TMEM132B: variants seen among roughly 807,000 people sequenced by gnomAD.
TMEM132B encodes transmembrane protein 132B.
Under a neutral mutation model 90.8 loss-of-function variants are expected in TMEM132B, and 18 were observed. That is an observed-to-expected ratio of 0.20 (90% CI 0.14 to 0.29). TMEM132B has a LOEUF of 0.29. Ranked by LOEUF, TMEM132B falls within the 10% of genes least tolerant of loss-of-function variation. The pLI is 1.00. For synonymous variants in TMEM132B, 504 were observed against 523.3 expected (o/e 0.96, Z 0.50); for missense variants, 1,096 against 1,326.8 (o/e 0.83, Z 2.70).
intron 3 of TMEM132B, among the ~76,000 whole-genome samples, chr12:125,450,573 G>A (rs1186894275): frequency 1.3e-5 from 2 of 151,998 alleles, no homozygotes; most frequent in African/African-American, 4.8e-5. Context: ...AAATATGGAG[G>A]GAATGCTGGC....
intron 1 of TMEM132B, among the ~76,000 whole-genome samples, chr12:125,345,541 G>T (rs1425644544): frequency 6.6e-6 from 1 of 152,130 alleles, no homozygotes; most frequent in Non-Finnish European, 1.5e-5. Context: ...CTTCATTCTA[G>T]GAGTAATATT....
At chr12:125,388,122 T>C (rs771891346) in intron 2 of TMEM132B, among the ~76,000 whole-genome samples, 4 of 152,126 alleles carry the variant, frequency 2.6e-5, no homozygotes, top group Admixed American at 1.3e-4. Flanking sequence ...CAGAGGCATT[T>C]TGGAAACATA....
At chr12:125,259,260 CT>C (rs1308904798) in intron 1 of TMEM132B, among the ~76,000 whole-genome samples, 1 of 152,184 alleles carries the variant, frequency 6.6e-6, no homozygotes, top group African/African-American at 2.4e-5. Flanking sequence ...GGAACTTTGT[CT>C]TGAAAACCAG....
intron 1 of TMEM132B, among the ~76,000 whole-genome samples, chr12:125,303,955 G>A (rs1309049769): frequency 2.0e-5 from 3 of 152,156 alleles, no homozygotes; most frequent in African/African-American, 7.2e-5. Context: ...TTGGTATAGT[G>A]TCCTCCAATG....
At chr12:125,336,777 A>G (rs1876975138) in intron 1 of TMEM132B, among the ~76,000 whole-genome samples, 1 of 152,202 alleles carries the variant, frequency 6.6e-6, no homozygotes, top group Non-Finnish European at 1.5e-5. Flanking sequence ...GCCTTGGTAC[A>G]TAAATCCAAC....
chr12:125,191,010 TGGGAAGGGGTGGTGATGGTGAC>T (rs1872771992), intron 1 of TMEM132B, among the ~76,000 whole-genome samples: 1 of 19,930 alleles, frequency 5.0e-5, no homozygotes, highest in Admixed American at 6.7e-4. Flanking sequence ...GTGATGGTGA[TGGGAAGGGGTGGTGATGGTGAC>T]GGGGAAGGGG....
intron 2 of TMEM132B, among the ~76,000 whole-genome samples, chr12:125,374,134 C>T (rs376147518): frequency 5.9e-5 from 9 of 152,308 alleles, no homozygotes; most frequent in African/African-American, 1.4e-4. Context: ...ATGTGTTTGT[C>T]GGTGCCACTC....
rs1012008414 is a variant in TMEM132B at position 125,490,328 on chromosome 12, A to T, written c.1107-29111A>T. ...GTAACTAAAGACAGAAGGGGAATTCATACCCGTATCTGCCCAGCCTCAAAG... is the reference window on the plus strand; with the variant it reads ...GTAACTAAAGACAGAAGGGGAATTCTTACCCGTATCTGCCCAGCCTCAAAG... On this transcript the variant is annotated intron_variant, in intron 3 of 8. Coordinates refer to ENST00000682704, the MANE Select transcript of TMEM132B (RefSeq NM_001366854.1). This position sits in a 1 kb window ranked among gnomAD's most constrained non-coding sequence, Gnocchi z 4.2. 6.6e-6 allele frequency among the ~76,000 whole-genome samples: 1 copy of T among 152,186 alleles called. No individual in the cohort carries two copies. The highest frequency in any genetic ancestry group is 6.5e-5 in the Admixed American group (1 of 15,284).
At chr12:125,507,659 G>C (rs529677274) in intron 3 of TMEM132B, among the ~76,000 whole-genome samples, 9 of 152,254 alleles carry the variant, frequency 5.9e-5, no homozygotes, top group African/African-American at 2.2e-4. Flanking sequence ...TGCCGTTGTG[G>C]CTCAGGCAGA....
At chr12:125,378,815 G>A (rs543128400) in intron 2 of TMEM132B, among the ~76,000 whole-genome samples, 2 of 152,296 alleles carry the variant, frequency 1.3e-5, no homozygotes, top group Admixed American at 1.3e-4. Context: ...AGTTGACAAT[G>A]GCCAAAGAGC....
In TMEM132B at chr12:125,415,745, C is replaced by T; in HGVS notation, c.1106+68C>T. 2 of 1,570,420 alleles carry T rather than the reference C, an allele frequency of 1.3e-6. No individual in the cohort carries two copies. The highest frequency in any genetic ancestry group is 1.7e-6 in the Non-Finnish European group (2 of 1,157,616). On this transcript the variant is annotated intron_variant, in intron 3 of 8. Transcript: ENST00000682704. The surrounding 1 kb of genome is among the most constrained non-coding windows in gnomAD (Gnocchi z 5.3). ...GGGGAGTGGCTGCCAGAGCTGATAG[C>T]AAAATAATGTGCGTGTGGATAAAGC...
intron 4 of TMEM132B, among the ~76,000 whole-genome samples, chr12:125,527,718 AC>A (rs112242086): frequency 0.053 from 7,933 of 150,198 alleles, 603 homozygotes; most frequent in African/African-American, 0.17. Context: ...CCACCCATCC[AC>A]CCTTCCATCC....
intron 1 of TMEM132B, among the ~76,000 whole-genome samples, chr12:125,268,297 C>G (rs1015185500): frequency 1.8e-4 from 28 of 152,210 alleles, no homozygotes; most frequent in African/African-American, 6.8e-4. Context: ...CACTTTGACT[C>G]ATCCAGTTTA....
intron 4 of TMEM132B, among the ~76,000 whole-genome samples, chr12:125,553,951 TCTGA>T (rs1884304511): frequency 6.6e-6 from 1 of 152,160 alleles, no homozygotes; most frequent in African/African-American, 2.4e-5. Flanking sequence ...TGAAAAAAAC[TCTGA>T]CTGTTCTGTG....
At chr12:125,509,263 C>T (rs552293564) in intron 3 of TMEM132B, among the ~76,000 whole-genome samples, 3 of 152,254 alleles carry the variant, frequency 2.0e-5, no homozygotes, top group Admixed American at 1.3e-4. Flanking sequence ...GGGTCCTGGA[C>T]GCTCCACTTC....
At chr12:125,568,657 G>C (rs941476418) in intron 4 of TMEM132B, among the ~76,000 whole-genome samples, 1 of 152,150 alleles carries the variant, frequency 6.6e-6, no homozygotes, top group Non-Finnish European at 1.5e-5. Flanking sequence ...TGGCTCTTTT[G>C]ATGGTTCTTG....
At position 125,654,581 on chromosome 12, in the gene TMEM132B, C is replaced by G; in HGVS notation, c.3123C>G (p.Asp1041Glu). ...CCTACACCACCATCCTCCCAGAGGA[C>G]GGCGGCCCATACACCAACTCCATCC... ...FTSYTTILPE[D>E]GGPYTNSILF... is the part of the protein sequence containing the mutation. The change falls in exon 9 of 9, where the codon GAC (aspartate) becomes GAG (glutamate). Residue 1041 changes from aspartate (D) to glutamate (E), a missense_variant. By Grantham distance (45) the Asp-to-Glu change is conservative. Coordinates refer to ENST00000682704, the MANE Select transcript of TMEM132B (RefSeq NM_001366854.1). This position sits in a 1 kb window ranked among gnomAD's most constrained non-coding sequence, Gnocchi z 5.8. 1 of 1,614,196 alleles carries G rather than the reference C, an allele frequency of 6.2e-7. No individual in the cohort carries two copies. Among genetic ancestry groups the G allele is most frequent in the Non-Finnish European group, 8.5e-7 (1 of 1,180,032 alleles).
chr12:125,196,071 G>T (rs550401581), intron 1 of TMEM132B, among the ~76,000 whole-genome samples: 1 of 152,326 alleles, frequency 6.6e-6, no homozygotes, highest in East Asian at 1.9e-4. Flanking sequence ...CAGAAGCCCT[G>T]AGGGGCTACT....
At chr12:125,341,137 C>T (rs542871458) in intron 1 of TMEM132B, among the ~76,000 whole-genome samples, 1 of 152,224 alleles carries the variant, frequency 6.6e-6, no homozygotes, top group Non-Finnish European at 1.5e-5. Context: ...GAGCTTTCCT[C>T]TGGCAGCAGA....
Sources: allele counts gnomAD v4.1 joint callset (sites outside exome capture counted in the v4.1 genomes callset), GRCh38; gene constraint gnomAD v4.1.1; non-coding constraint Gnocchi (gnomAD v3.1); transcripts MANE v1.5; gene names NCBI Gene and HGNC (gene_info 2026-07-23, HGNC 2026-07-21).